The following SYNPR variants were observed in gnomAD, a reference collection of about 807,000 sequenced individuals.
The protein encoded by SYNPR is synaptoporin.
Under a neutral mutation model 32.9 loss-of-function variants are expected in SYNPR, and 23 were observed. The observed-to-expected ratio is 0.70, with a 90% CI of 0.50 to 0.99. The LOEUF is 0.99. Among genes scored for constraint, SYNPR ranks in the 50% least tolerant of loss-of-function variants. The pLI is 0.00. For missense variants in SYNPR, 318 were observed against 349.3 expected, an observed-to-expected ratio of 0.91 and a Z score of 0.71; for synonymous variants, 146 against 135.9, an observed-to-expected ratio of 1.07 and a Z score of -0.52.
chr3:63,310,551 C>T lies in SYNPR; in HGVS notation c.84+31809C>T, dbSNP rs116730586. Reference sequence around the variant, plus strand: ...GCTTCCTATTTCATATAGATTCTTGCTGATGTTGTCAAGATGACTAGGGCA... The same window carrying T: ...GCTTCCTATTTCATATAGATTCTTGTTGATGTTGTCAAGATGACTAGGGCA... On this transcript the variant is annotated intron_variant, in intron 2 of 5. Coordinates refer to ENST00000478300, the MANE Select transcript of SYNPR (RefSeq NM_001130003.2). 8.4e-3 allele frequency among the ~76,000 whole-genome samples: 1,281 copies of T among 152,060 alleles called. 24 individuals carry two copies. Among genetic ancestry groups the T allele is most frequent in the African/African-American group, 0.028 (1,160 of 41,516 alleles).
intron 2 of SYNPR, among the ~76,000 whole-genome samples, chr3:63,363,427 C>A (rs549472372): frequency 6.6e-5 from 10 of 152,300 alleles, no homozygotes; most frequent in African/African-American, 2.4e-4. Flanking sequence ...CTGAGAGCTT[C>A]TGAGACTTTC....
intron 3 of SYNPR, chr3:63,549,843 A>G (rs1702471536): frequency 6.6e-6 from 1 of 152,134 alleles, no homozygotes; most frequent in Non-Finnish European, 1.5e-5. Context: ...TTTAAAAGAA[A>G]CCACTCTAAA....
At chr3:63,245,099 C>G (rs1377945549) in intron 1 of SYNPR, among the ~76,000 whole-genome samples, 16 of 152,224 alleles carry the variant, frequency 1.1e-4, no homozygotes, top group Non-Finnish European at 4.4e-5. Context: ...TTGAGAATTA[C>G]TTGGTTTGCA....
chr3:63,490,737 G>C (rs1401127862), intron 3 of SYNPR, among the ~76,000 whole-genome samples: 1 of 151,976 alleles, frequency 6.6e-6, no homozygotes, highest in Non-Finnish European at 1.5e-5. Flanking sequence ...GGCACCCCTT[G>C]GACCCACTAG....
intron 2 of SYNPR, among the ~76,000 whole-genome samples, chr3:63,404,018 T>C (rs2088326479): frequency 1.3e-5 from 2 of 152,196 alleles, no homozygotes; most frequent in African/African-American, 4.8e-5. Flanking sequence ...TCATGTTAGC[T>C]GCCCTACCTC....
chr3:63,300,331 T>TTCTATCTA (rs59249020), intron 2 of SYNPR, among the ~76,000 whole-genome samples: 3,302 of 151,426 alleles, frequency 0.022, 122 homozygotes, highest in African/African-American at 0.07. Context: ...CATTCTTTGC[T>TTCTATCTA]TCTATCTATC....
intron 2 of SYNPR, among the ~76,000 whole-genome samples, chr3:63,428,121 C>T (rs1210459650): frequency 6.6e-6 from 1 of 152,142 alleles, no homozygotes; most frequent in Non-Finnish European, 1.5e-5. Context: ...TGATATCTTC[C>T]ATTTATTGAT....
chr3:63,210,653 G>A, the SYNPR span, among the ~76,000 whole-genome samples: 1 of 152,164 alleles, frequency 6.6e-6, no homozygotes. Context: ...TGAAGAATAG[G>A]AATGATGAAG....
rs17031721 is a variant in SYNPR at position 63,396,798 on chromosome 3, C to G, written c.85-84034C>G. On this transcript the variant is annotated intron_variant, in intron 2 of 5. Coordinates refer to ENST00000478300, the MANE Select transcript of SYNPR (RefSeq NM_001130003.2). ...ACTAGACAGAATAAGAGGGAACAGC[C>G]TAAAACTTTAAAAACATTAACATTG... 9.9e-3 allele frequency among the ~76,000 whole-genome samples: 1,508 copies of G among 152,270 alleles called. 16 individuals are homozygous for G. The highest frequency in any genetic ancestry group is 0.05 in the East Asian group (261 of 5,172).
intron 2 of SYNPR, among the ~76,000 whole-genome samples, chr3:63,379,109 G>A (rs1393014945): frequency 6.6e-6 from 1 of 152,034 alleles, no homozygotes; most frequent in Admixed American, 6.6e-5. Context: ...TTTGGGGGAA[G>A]TTTTATGTTA....
At chr3:63,441,656 G>A (rs1294767816) in intron 2 of SYNPR, among the ~76,000 whole-genome samples, 3 of 152,194 alleles carry the variant, frequency 2.0e-5, no homozygotes, top group Non-Finnish European at 4.4e-5. Flanking sequence ...GAAGTGCAGA[G>A]ATTTGTCAAT....
chr3:63,287,781 C>T (rs2086699699), intron 2 of SYNPR, among the ~76,000 whole-genome samples: 1 of 152,162 alleles, frequency 6.6e-6, no homozygotes, highest in South Asian at 2.1e-4. Flanking sequence ...TCCCTGGAAA[C>T]AATTGTTTAG....
At chr3:63,264,781 A>T (rs1388173036) in intron 2 of SYNPR, among the ~76,000 whole-genome samples, 3 of 152,126 alleles carry the variant, frequency 2.0e-5, no homozygotes, top group African/African-American at 7.2e-5. Context: ...CGGAAGGCAA[A>T]GGAGAGGCAG....
chr3:63,614,133 C>G (rs757585688), intron 5 of SYNPR, among the ~76,000 whole-genome samples: 3 of 152,180 alleles, frequency 2.0e-5, no homozygotes, highest in African/African-American at 7.2e-5. Flanking sequence ...ACTCCAGGAC[C>G]GTGGCCACTG....
the SYNPR span, among the ~76,000 whole-genome samples, chr3:63,209,315 CAA>C: frequency 9.7e-6 from 1 of 103,246 alleles, no homozygotes. Flanking sequence ...GACTCCGTCT[CAA>C]AAAAAAAAAA....
chr3:63,432,904 G>C (rs1700019102), intron 2 of SYNPR, among the ~76,000 whole-genome samples: 1 of 152,206 alleles, frequency 6.6e-6, no homozygotes. Flanking sequence ...TGTGGGAAAA[G>C]GGAGCTGGGG....
chr3:63,367,605 C>T (rs966266874), intron 2 of SYNPR, among the ~76,000 whole-genome samples: 1 of 152,064 alleles, frequency 6.6e-6, no homozygotes, highest in African/African-American at 2.4e-5. Flanking sequence ...ATCTGCCTGC[C>T]TCGGCCTCCT....
At chr3:63,204,697 T>G in the SYNPR span, among the ~76,000 whole-genome samples, 1 of 152,198 alleles carries the variant, frequency 6.6e-6, no homozygotes, top group South Asian at 2.1e-4. Flanking sequence ...TTTTTTTTCT[T>G]TTTTTTGAGA....
At chr3:63,461,722 C>G (rs1354189176) in intron 2 of SYNPR, among the ~76,000 whole-genome samples, 1 of 151,840 alleles carries the variant, frequency 6.6e-6, no homozygotes, top group African/African-American at 2.4e-5. Context: ...GAGAGGTGGT[C>G]CTGGGCTCAA....
Sources: gnomAD v4.1 joint callset for allele counts (sites outside exome capture counted in the v4.1 genomes callset) on GRCh38, gnomAD v4.1.1 for gene constraint, MANE v1.5 for transcripts, NCBI Gene and HGNC (gene_info 2026-07-23, HGNC 2026-07-21) for gene names.